MACF1: variants seen among roughly 807,000 people sequenced by gnomAD.
MACF1 encodes the protein microtubule actin crosslinking factor 1.
In MACF1, 193 loss-of-function variants were observed where a neutral mutation model predicts 854.8. The ratio of observed to expected loss-of-function variants is 0.23; its 90% CI spans 0.20 to 0.25. The LOEUF is 0.25. Ranked by LOEUF, MACF1 falls within the 10% of genes least tolerant of loss-of-function variation. The pLI is 1.00. For synonymous variants in MACF1, 3,185 were observed against 3,226.7 expected (o/e 0.99, Z 0.44); for missense variants, 7,722 against 8,929.1 (o/e 0.86, Z 5.45).
At position 39,306,284 on chromosome 1, in the gene MACF1, C is replaced by T. The variant is rs564649848; in HGVS notation, c.2789+3206C>T. ...GTGGGATTACAGGTGTGTGCCACCA[C>T]GACTGGCTAATTTTTGTATTTTTAG... On this transcript the variant is annotated intron_variant, in intron 23 of 100. Transcript: ENST00000564288. Among the ~76,000 whole-genome samples, 29 of 151,822 alleles carry T rather than the reference C, an allele frequency of 1.9e-4. 1 individual carries two copies. In the South Asian group the frequency reaches 5.6e-3, roughly 29 times the overall value.
chr1:39,100,690 C>T (rs1042965234), intron 2 of MACF1, among the ~76,000 whole-genome samples: 32 of 151,732 alleles, frequency 2.1e-4, no homozygotes, highest in African/African-American at 7.5e-4. Context: ...CCCATCTCTA[C>T]GAAAAATACA....
intron 2 of MACF1, among the ~76,000 whole-genome samples, chr1:39,097,765 A>G (rs1014966597): frequency 2.0e-5 from 3 of 151,960 alleles, no homozygotes; most frequent in African/African-American, 7.2e-5. Context: ...CATTTTTGTT[A>G]TAGGGGCCTG....
At chr1:39,166,724 A>G (rs947237545) in intron 2 of MACF1, among the ~76,000 whole-genome samples, 4 of 151,762 alleles carry the variant, frequency 2.6e-5, no homozygotes, top group African/African-American at 9.7e-5. Flanking sequence ...GAGTGCTGGG[A>G]TTACAGGCGT....
chr1:39,131,746 G>A (rs1643011267), intron 2 of MACF1, among the ~76,000 whole-genome samples: 1 of 152,168 alleles, frequency 6.6e-6, no homozygotes, highest in East Asian at 1.9e-4. Flanking sequence ...GATAAAGAAA[G>A]GAATTTTTGT....
chr1:39,271,481 G>C (rs1275225245), intron 6 of MACF1, among the ~76,000 whole-genome samples: 1 of 152,110 alleles, frequency 6.6e-6, no homozygotes, highest in Non-Finnish European at 1.5e-5. Flanking sequence ...CTCCCACCAG[G>C]TCCCACTTCC....
rs934665695 is a variant in MACF1, at chr1:39,186,551, T to C, written c.221-44631T>C. On this transcript the variant is annotated intron_variant, in intron 2 of 93. Transcript: ENST00000361689. ...CATTAAATCAAAATTATACATGTTC[T>C]TACTTTAAAAGGTTAAAATATTACT... 5.9e-5 allele frequency among the ~76,000 whole-genome samples: 9 copies of C among 152,118 alleles called. No homozygotes were observed. The East Asian group carries it at 1.7e-3, about 29-fold the overall frequency.
At chr1:39,453,978 C>A in intron 88 of MACF1, 128 bp downstream of exon 88, 1 of 1,152,934 alleles carries the variant, frequency 8.7e-7, no homozygotes, top group Non-Finnish European at 1.2e-6. Flanking sequence ...ATTAAGTTAA[C>A]ATTTTAGTAA....
At chr1:39,410,607 G>A in intron 58 of MACF1, 1 of 1,614,018 alleles carries the variant, frequency 6.2e-7, no homozygotes, top group Non-Finnish European at 8.5e-7. Flanking sequence ...CAGCACCTGT[G>A]CCACCCAGAA....
chr1:39,307,901 C>CTTTTTTTTTTTTTTT lies in MACF1; in HGVS notation c.2790-1662_2790-1648dup, dbSNP rs34930273. On this transcript the variant is annotated intron_variant, in intron 23 of 100. Coordinates refer to ENST00000564288, the MANE Select transcript of MACF1 (RefSeq NM_001394062.1). ...TTATTTCTCTTTTCTTTCTTTCTTTCTTTTTTTTTTTTTTTTTTTTTGAGA... is the reference window on the plus strand; with the variant it reads ...TTATTTCTCTTTTCTTTCTTTCTTTCTTTTTTTTTTTTTTTTTTTTTTTTTTTTTTTTTTTTGAGA... 2.8e-3 allele frequency among the ~76,000 whole-genome samples: 141 copies of CTTTTTTTTTTTTTTT among 50,398 alleles called. 11 individuals are homozygous for CTTTTTTTTTTTTTTT. Among genetic ancestry groups the CTTTTTTTTTTTTTTT allele is most frequent in the Non-Finnish European group, 3.7e-3 (103 of 27,944 alleles). 33.1% of individuals were successfully genotyped at this position (50,398 alleles called of 152,430 possible).
intron 1 of MACF1, among the ~76,000 whole-genome samples, chr1:39,218,566 G>T (rs1365250507): frequency 1.3e-5 from 2 of 152,050 alleles, no homozygotes; most frequent in Non-Finnish European, 2.9e-5. Flanking sequence ...TTCTGACTGT[G>T]ATATTCCCGT....
intron 2 of MACF1, among the ~76,000 whole-genome samples, chr1:39,196,015 A>G (rs368468192): frequency 1.3e-4 from 20 of 152,286 alleles, no homozygotes; most frequent in East Asian, 1.2e-3. Flanking sequence ...AATAATGACA[A>G]TTATAATCAG....
chr1:39,190,396 T>TTTG (rs1644238491), intron 2 of MACF1, among the ~76,000 whole-genome samples: 2 of 51,364 alleles, frequency 3.9e-5, no homozygotes, highest in Non-Finnish European at 9.2e-5. Context: ...TGTGTGTTTG[T>TTTG]TTTTGTTTTT....
chr1:39,111,219 T>A (rs1642394189), intron 2 of MACF1, among the ~76,000 whole-genome samples: 1 of 152,226 alleles, frequency 6.6e-6, no homozygotes, highest in Admixed American at 6.5e-5. Flanking sequence ...TCCAGTTTTT[T>A]GGAGACAGGG....
At position 39,283,601 on chromosome 1, in the gene MACF1, G is replaced by A. The variant is rs1331987306; in HGVS notation, c.915+86G>A. ...GTTAGACACTTTCTTAAGCACTTAT[G>A]GTATACTCATGGTATCAAACTATAT... On this transcript the variant is annotated intron_variant, in intron 9 of 100. Transcript: ENST00000564288. The surrounding 1 kb of genome is among the most constrained non-coding windows in gnomAD (Gnocchi z 4.5). The A allele has an allele frequency of 9.9e-6, 9 of 911,170 alleles. No homozygotes were observed. The highest frequency in any genetic ancestry group is 2.8e-5 in the South Asian group (2 of 71,142). The allele number at this position is 911,170 out of a possible 1,614,324, so 56.4% of individuals were successfully genotyped here.
In MACF1 at chr1:39,379,209, C is replaced by T. The variant is rs139081523; in HGVS notation, c.13283C>T (p.Thr4428Met). The change falls in exon 54 of 101, where the codon ACG becomes ATG. Residue 4428 changes from threonine to methionine, a missense_variant. Thr to Met is a moderately conservative substitution (Grantham distance 81, BLOSUM62 -1). Transcript: ENST00000564288. ...TCTGTTTCTATGATACTAGATCTGA[C>T]GGAGATCCAGTGTGACATGTCAGAT... ...VNGYHTCKDL[T>M]EIQCDMSDVN... 33 of 1,595,458 alleles carry T rather than the reference C, an allele frequency of 2.1e-5. No homozygotes were observed. The highest frequency in any genetic ancestry group is 2.7e-5 in the African/African-American group (2 of 74,204).
At chr1:39,239,081 G>T (rs1461420628) in intron 2 of MACF1, among the ~76,000 whole-genome samples, 1 of 152,144 alleles carries the variant, frequency 6.6e-6, no homozygotes, top group Non-Finnish European at 1.5e-5. Flanking sequence ...AGGAGTTCGA[G>T]ACCAGCCAGG....
At chr1:39,237,625 C>T (rs1644874570) in intron 2 of MACF1, among the ~76,000 whole-genome samples, 1 of 151,918 alleles carries the variant, frequency 6.6e-6, no homozygotes, top group Non-Finnish European at 1.5e-5. Flanking sequence ...CAAAACGATA[C>T]AGCTAGTGAG....
At chr1:39,303,628 G>A (rs1414163154) in intron 23 of MACF1, among the ~76,000 whole-genome samples, 1 of 150,798 alleles carries the variant, frequency 6.6e-6, no homozygotes, top group East Asian at 2.0e-4. Flanking sequence ...GAGGGAGGCG[G>A]ATCACTTGAG....
chr1:39,428,507 A>G (rs556790757), intron 63 of MACF1, among the ~76,000 whole-genome samples: 2 of 152,270 alleles, frequency 1.3e-5, no homozygotes, highest in African/African-American at 4.8e-5. Flanking sequence ...ATTCTAGAAG[A>G]TGGTACAGGG....
Sources: allele counts gnomAD v4.1 joint callset (sites outside exome capture counted in the v4.1 genomes callset), GRCh38; gene constraint gnomAD v4.1.1; non-coding constraint Gnocchi (gnomAD v3.1); transcripts MANE v1.5; gene names NCBI Gene and HGNC (gene_info 2026-07-23, HGNC 2026-07-21).